Variants in IFIT2 observed in about 807,000 individuals in gnomAD.
IFIT2 encodes interferon induced protein with tetratricopeptide repeats 2.
A neutral mutation model predicts 2.5 loss-of-function variants in IFIT2; 3 were observed. The ratio of observed to expected loss-of-function variants is 1.21; its 90% CI spans 0.55 to 3.14. The LOEUF (loss-of-function observed/expected upper bound fraction) is 3.14. Among genes scored for constraint, IFIT2 ranks in the 30% most tolerant of loss-of-function variants. The pLI is 0.03. For missense variants in IFIT2, 493 were observed against 558.9 expected, an observed-to-expected ratio of 0.88 and a Z score of 1.19; for synonymous variants, 212 against 200.7, an observed-to-expected ratio of 1.06 and a Z score of -0.48.
Position 89,307,682 on chromosome 10 carries a change from A to T in IFIT2, c.*307A>T. On this transcript the variant is annotated 3_prime_UTR_variant, in exon 2 of 2. Coordinates refer to ENST00000371826, the MANE Select transcript of IFIT2 (RefSeq NM_001547.5). Reference sequence around the variant, plus strand: ...TTAGTCACCTTTAGTGGAGTAATCTACTGGGCTTGTTTCTATATTTATATA... The same window carrying T: ...TTAGTCACCTTTAGTGGAGTAATCTTCTGGGCTTGTTTCTATATTTATATA... The T allele has an allele frequency of 4.0e-6, 1 of 247,232 alleles. No homozygotes were observed. The highest frequency in any genetic ancestry group is 7.9e-6 in the Non-Finnish European group (1 of 125,956). 15.3% of individuals were successfully genotyped at this position (247,232 alleles called of 1,614,324 possible). A position where few individuals can be genotyped will look rare whatever the true frequency, so the allele number is the denominator to read the frequency against.
Position 89,307,277 on chromosome 10 carries a change from G to A in IFIT2, c.1321G>A (p.Glu441Lys), listed in dbSNP as rs1451221876. Residue 441 changes from glutamate (E) to lysine (K), a missense_variant, in exon 2 of 2, where the codon GAG becomes AAG. By Grantham distance (56) the Glu-to-Lys change is moderately conservative. Transcript: ENST00000371826. ...TTTGCATGTCTTGGCATTCCTTCAG[G>A]AGCTGAATGAAAAAATGCAACAAGC... ...EALHVLAFLQ[E>K]LNEKMQQADE... 1 of 1,613,816 alleles carries A rather than the reference G, an allele frequency of 6.2e-7. No individual in the cohort carries two copies. Among genetic ancestry groups the A allele is most frequent in the African/African-American group, 1.3e-5 (1 of 74,888 alleles).
Position 89,305,944 on chromosome 10 carries a change from T to C in IFIT2, c.6-18T>C. On this transcript the variant is annotated intron_variant, in intron 1 of 1. Coordinates refer to ENST00000371826, the MANE Select transcript of IFIT2 (RefSeq NM_001547.5). ...TAAATCTGTGTCTCAAAGTCCATCT[T>C]TGTGTTTTTCCCTACAGTGAGAACA... 6.4e-7 allele frequency: 1 copy of C among 1,564,382 alleles called. No homozygotes were observed. The highest frequency in any genetic ancestry group is 8.8e-7 in the Non-Finnish European group (1 of 1,140,750).
rs776131315 is a variant in IFIT2, at chr10:89,307,752, T to G, written c.*377T>G. The G allele has an allele frequency of 1.1e-5, 2 of 183,438 alleles. No homozygotes were observed. Among genetic ancestry groups the G allele is most frequent in the African/African-American group, 4.7e-5 (2 of 42,648 alleles). 11.4% of individuals were successfully genotyped at this position (183,438 alleles called of 1,614,324 possible). On this transcript the variant is annotated 3_prime_UTR_variant, in exon 2 of 2. Transcript: ENST00000371826. ...GTAATATTGAAGTCCATTTTTGCAATGTTGTTCCATACTTGGAGTCATTTT... is the reference window on the plus strand; with the variant it reads ...GTAATATTGAAGTCCATTTTTGCAAGGTTGTTCCATACTTGGAGTCATTTT...
chr10:89,305,961 G>A lies in IFIT2; in HGVS notation c.6-1G>A, dbSNP rs764839382. ...GTCCATCTTTGTGTTTTTCCCTACA[G>A]TGAGAACAATAAGAATTCCTTGGAG... On this transcript the variant is annotated splice_acceptor_variant, in intron 1 of 1. Transcript: ENST00000371826. LOFTEE classifies it high-confidence loss of function. 6.2e-7 allele frequency: 1 copy of A among 1,605,684 alleles called. No homozygotes were observed. Among genetic ancestry groups the A allele is most frequent in the Non-Finnish European group, 8.5e-7 (1 of 1,173,540 alleles).
intron 1 of IFIT2, among the ~76,000 whole-genome samples, chr10:89,304,550 A>G (rs939979647): frequency 4.6e-5 from 7 of 152,166 alleles, no homozygotes; most frequent in Admixed American, 1.3e-4. Context: ...AAGAAGCCAT[A>G]CTATTTAGAA....
At chr10:89,303,933 TAG>T (rs2085585447) in intron 1 of IFIT2, among the ~76,000 whole-genome samples, 2 of 152,104 alleles carry the variant, frequency 1.3e-5, no homozygotes, top group Admixed American at 6.6e-5. Flanking sequence ...ATGAATGCAG[TAG>T]AGAGTGTGAC....
At chr10:89,304,761 T>C (rs1843467850) in intron 1 of IFIT2, among the ~76,000 whole-genome samples, 1 of 152,144 alleles carries the variant, frequency 6.6e-6, no homozygotes, top group African/African-American at 2.4e-5. Context: ...AGGGGTTTTT[T>C]TGTTGTTGTT....
intron 1 of IFIT2, among the ~76,000 whole-genome samples, chr10:89,304,258 A>ACCCCAGGCGCGGGAGCC (rs1843463595): frequency 6.6e-6 from 1 of 150,418 alleles, no homozygotes; most frequent in Non-Finnish European, 1.5e-5. Context: ...GATGTAACTA[A>ACCCCAGGCGCGGGAGCC]CCCCAGGTGC....
rs768804603 is a variant in IFIT2 at position 89,306,652 on chromosome 10, A to G, written c.696A>G (p.Gly232=). 1 of 1,614,146 alleles carries G rather than the reference A, an allele frequency of 6.2e-7. No homozygotes were observed. Among genetic ancestry groups the G allele is most frequent in the South Asian group, 1.1e-5 (1 of 91,082 alleles). Residue 232 remains glycine, a synonymous_variant, in exon 2 of 2, where the codon GGA becomes GGG. Transcript: ENST00000371826. ...AAGAAGGTGAAGAGGAAGGTGAAGG[A>G]GAGAAGTTAGTTGAAGAAGCCTTGG... ...MREEGEEEGE[G]EKLVEEALEK...
In IFIT2 at chr10:89,306,708, G is replaced by C; in HGVS notation, c.752G>C (p.Arg251Pro). The change falls in exon 2 of 2, where the codon CGC (arginine) becomes CCC (proline). Residue 251 changes from arginine to proline, a missense_variant. Arg to Pro is a moderately radical substitution (Grantham distance 103). Transcript: ENST00000371826. ...EKAPGVTDVL[R>P]SAAKFYRRKD... ...GCCCCAGGTGTAACAGATGTTCTTC[G>C]CAGTGCAGCCAAGTTTTATCGAAGA... 6.2e-7 allele frequency: 1 copy of C among 1,614,082 alleles called. No homozygotes were observed. Among genetic ancestry groups the C allele is most frequent in the Non-Finnish European group, 8.5e-7 (1 of 1,179,954 alleles).
rs200809128 is a variant in IFIT2 at position 89,307,408 on chromosome 10, C to A, written c.*33C>A. On this transcript the variant is annotated 3_prime_UTR_variant, in exon 2 of 2. Coordinates refer to ENST00000371826, the MANE Select transcript of IFIT2 (RefSeq NM_001547.5). ...AGATGTGGTGCCCACTAGGCTACTG[C>A]TGAAAGGGAGCTGAAATTCCTCCAC... 3 of 1,510,220 alleles carry A rather than the reference C, an allele frequency of 2.0e-6. No homozygotes were observed. The highest frequency in any genetic ancestry group is 2.8e-5 in the African/African-American group (2 of 71,340). The allele number at this position is 1,510,220 out of a possible 1,614,324, so 93.6% of individuals were successfully genotyped here. A position where few individuals can be genotyped will look rare whatever the true frequency, so the allele number is the denominator to read the frequency against.
chr10:89,305,268 G>GA (rs201448676), intron 1 of IFIT2, among the ~76,000 whole-genome samples: 14 of 151,726 alleles, frequency 9.2e-5, no homozygotes, highest in South Asian at 2.1e-4. Flanking sequence ...AAAATTCACA[G>GA]AAAAAAATGA....
intron 1 of IFIT2, among the ~76,000 whole-genome samples, chr10:89,304,754 G>GT (rs1843467687): frequency 3.9e-5 from 6 of 151,998 alleles, no homozygotes; most frequent in Admixed American, 6.5e-5. Flanking sequence ...GTTTTTTAGG[G>GT]GTTTTTTTGT....
At chr10:89,302,987 G>T (rs1843455068) in intron 1 of IFIT2, among the ~76,000 whole-genome samples, 3 of 145,132 alleles carry the variant, frequency 2.1e-5, no homozygotes, top group East Asian at 2.0e-4. Context: ...TTTCCTGCTA[G>T]TCTAAATGTT....
At position 89,309,201 on chromosome 10, in the gene IFIT2, T is replaced by C. The variant is rs1425327308; in HGVS notation, c.*1826T>C. On this transcript the variant is annotated 3_prime_UTR_variant, in exon 2 of 2. Transcript: ENST00000371826. The stretch of plus-strand genomic sequence containing the variant: ...GGTGGGCTGCTCCCCTTTTCTTTGT[T>C]AAATTTTGTGCTTTCATCACATTTT... 5.3e-5 allele frequency: 8 copies of C among 152,242 alleles called. No homozygotes were observed. Among genetic ancestry groups the C allele is most frequent in the Admixed American group, 5.2e-4 (8 of 15,280 alleles). 9.4% of individuals were successfully genotyped at this position (152,242 alleles called of 1,614,324 possible).
chr10:89,308,622 G>A lies in IFIT2; in HGVS notation c.*1247G>A, dbSNP rs751436778. The A allele has an allele frequency of 3.3e-5, 5 of 152,206 alleles. No homozygotes were observed. The highest frequency in any genetic ancestry group is 7.3e-5 in the Non-Finnish European group (5 of 68,040). 9.4% of individuals were successfully genotyped at this position (152,206 alleles called of 1,614,324 possible). On this transcript the variant is annotated 3_prime_UTR_variant, in exon 2 of 2. Coordinates refer to ENST00000371826, the MANE Select transcript of IFIT2 (RefSeq NM_001547.5). Reference sequence around the variant, plus strand: ...GAATAGCCTAGACATCAAAGTTGGTGTGAACCAAAATAGAGTCAGCTGACC... The same window carrying A: ...GAATAGCCTAGACATCAAAGTTGGTATGAACCAAAATAGAGTCAGCTGACC...
rs3898075 is a variant in IFIT2, at chr10:89,306,876, A to G, written c.920A>G (p.Tyr307Cys). 3.7e-6 allele frequency: 6 copies of G among 1,614,002 alleles called. No individual in the cohort carries two copies. Among genetic ancestry groups the G allele is most frequent in the African/African-American group, 2.7e-5 (2 of 74,938 alleles). The change falls in exon 2 of 2, where the codon TAT becomes TGT. Residue 307 changes from tyrosine (Y) to cysteine (C), a missense_variant. Tyr to Cys is a radical substitution (Grantham distance 194). Coordinates refer to ENST00000371826, the MANE Select transcript of IFIT2 (RefSeq NM_001547.5). ...ATGAATCTAAGAGAGAATGGAATGT[A>G]TGGGAAAAGAAAGTTACTGGAACTA... ...QVMNLRENGM[Y>C]GKRKLLELIG...
rs1486063708 is a variant in IFIT2, at chr10:89,307,059, T to C, written c.1103T>C (p.Val368Ala). Residue 368 changes from valine to alanine, a missense_variant, in exon 2 of 2, where the codon GTA becomes GCA. Transcript: ENST00000371826. ...QKEFSKELTP[V>A]AKQLLHLRYG... ...GAATTCAGTAAAGAGCTTACTCCTG[T>C]AGCGAAACAACTGCTCCATCTGCGG... The C allele has an allele frequency of 1.2e-6, 2 of 1,613,922 alleles. No individual in the cohort carries two copies. Among genetic ancestry groups the C allele is most frequent in the Admixed American group, 1.7e-5 (1 of 59,980 alleles).
At chr10:89,305,095 G>T (rs779579964) in intron 1 of IFIT2, among the ~76,000 whole-genome samples, 6 of 152,062 alleles carry the variant, frequency 3.9e-5, no homozygotes, top group East Asian at 3.9e-4. Flanking sequence ...AGAGGTATGG[G>T]GGGGAGGGGA....
Sources: gnomAD v4.1 joint callset for allele counts (sites outside exome capture counted in the v4.1 genomes callset) on GRCh38, gnomAD v4.1.1 for gene constraint, MANE v1.5 for transcripts, NCBI Gene and HGNC (gene_info 2026-07-23, HGNC 2026-07-21) for gene names.